The following SPAG16 variants were observed in gnomAD, a reference collection of about 807,000 sequenced individuals.
SPAG16 encodes sperm-associated antigen 16 protein.
Under a neutral mutation model 80.4 loss-of-function variants are expected in SPAG16, and 86 were observed. The observed-to-expected ratio is 1.07, with a 90% CI of 0.90 to 1.28. The LOEUF is 1.28. Among genes scored for constraint, SPAG16 ranks in the 50% most tolerant of loss-of-function variants. The pLI is 0.00. For synonymous variants in SPAG16, 294 were observed against 265.9 expected, an observed-to-expected ratio of 1.11 and a Z score of -1.03; for missense variants, 870 against 765.3, an observed-to-expected ratio of 1.14 and a Z score of -1.61.
intron 10 of SPAG16, among the ~76,000 whole-genome samples, chr2:213,574,146 G>GA (rs1236702933): frequency 6.6e-6 from 1 of 152,054 alleles, no homozygotes; most frequent in Non-Finnish European, 1.5e-5. Flanking sequence ...TCTACTTGTA[G>GA]GTTATATGCT....
chr2:213,376,015 C>A (rs2066867026), intron 9 of SPAG16, among the ~76,000 whole-genome samples: 1 of 148,810 alleles, frequency 6.7e-6, no homozygotes. Flanking sequence ...TATACAATAC[C>A]AGAATCCAAT....
At chr2:213,871,008 A>T (rs528950656) in intron 11 of SPAG16, among the ~76,000 whole-genome samples, 1 of 152,228 alleles carries the variant, frequency 6.6e-6, no homozygotes, top group Admixed American at 6.6e-5. Context: ...ACTTTCTTTC[A>T]TGCTCCCAGA....
intron 15 of SPAG16, among the ~76,000 whole-genome samples, chr2:214,204,174 C>T (rs576631330): frequency 9.8e-5 from 15 of 152,308 alleles, no homozygotes; most frequent in Admixed American, 7.8e-4. Flanking sequence ...TGCAGAAAGC[C>T]CTGCCCAAGG....
At chr2:213,494,652 C>A (rs1478725999) in intron 10 of SPAG16, among the ~76,000 whole-genome samples, 2 of 152,182 alleles carry the variant, frequency 1.3e-5, no homozygotes, top group Admixed American at 1.3e-4. Flanking sequence ...AATAGCCAAA[C>A]ATATTTTGAA....
chr2:214,189,433 G>A (rs1184931208), intron 15 of SPAG16, among the ~76,000 whole-genome samples: 1 of 151,998 alleles, frequency 6.6e-6, no homozygotes, highest in Non-Finnish European at 1.5e-5. Context: ...TGATTTTTCT[G>A]CTGCAAGTAA....
intron 10 of SPAG16, among the ~76,000 whole-genome samples, chr2:213,693,220 T>C (rs771743453): frequency 6.6e-6 from 1 of 152,204 alleles, no homozygotes; most frequent in Non-Finnish European, 1.5e-5. Flanking sequence ...GCTCAATGAA[T>C]TCAGTCGTAG....
At chr2:214,300,974 T>G (rs1694501848) in intron 15 of SPAG16, among the ~76,000 whole-genome samples, 1 of 150,514 alleles carries the variant, frequency 6.6e-6, no homozygotes, top group Admixed American at 6.6e-5. Context: ...TACAGGCCAG[T>G]GTGTCACTGA....
At chr2:214,064,844 A>C (rs1220768525) in intron 13 of SPAG16, among the ~76,000 whole-genome samples, 1 of 152,080 alleles carries the variant, frequency 6.6e-6, no homozygotes, top group Non-Finnish European at 1.5e-5. Flanking sequence ...TATAGATTGA[A>C]TTAAAAAGAA....
At chr2:214,021,067 T>C (rs2047838140) in intron 13 of SPAG16, among the ~76,000 whole-genome samples, 1 of 152,192 alleles carries the variant, frequency 6.6e-6, no homozygotes, top group African/African-American at 2.4e-5. Context: ...TGTTGGCAAA[T>C]GCCTATTATC....
In SPAG16 at chr2:213,974,986, A is replaced by T. The variant is rs1334045220; in HGVS notation, c.1401-38965A>T. On this transcript the variant is annotated intron_variant, in intron 12 of 15. Transcript: ENST00000331683. Reference sequence around the variant, plus strand: ...AAAAACACAAAATGTGTAAAAAGAGACATTAAGAAAACTACCATAGTAGTG... The same window carrying T: ...AAAAACACAAAATGTGTAAAAAGAGTCATTAAGAAAACTACCATAGTAGTG... 1.3e-4 allele frequency among the ~76,000 whole-genome samples: 19 copies of T among 150,990 alleles called. No individual in the cohort carries two copies. In the Admixed American group the frequency reaches 1.3e-3, roughly 10 times the overall value.
chr2:213,997,270 C>T (rs2046567849), intron 12 of SPAG16, among the ~76,000 whole-genome samples: 1 of 152,180 alleles, frequency 6.6e-6, no homozygotes, highest in Non-Finnish European at 1.5e-5. Context: ...ACCAGGGGCT[C>T]AGGAATAATA....
intron 13 of SPAG16, among the ~76,000 whole-genome samples, chr2:214,064,792 T>C (rs994989051): frequency 5.9e-5 from 9 of 152,120 alleles, no homozygotes; most frequent in Admixed American, 2.0e-4. Flanking sequence ...AAATACTCTG[T>C]GTGGTAATAC....
intron 10 of SPAG16, among the ~76,000 whole-genome samples, chr2:213,829,613 C>T (rs2073509194): frequency 6.6e-6 from 1 of 152,086 alleles, no homozygotes; most frequent in Admixed American, 6.5e-5. Flanking sequence ...CTGGATCACA[C>T]CTGAAGGCAG....
At chr2:214,148,533 A>C (rs538140726) in intron 14 of SPAG16, among the ~76,000 whole-genome samples, 1 of 152,242 alleles carries the variant, frequency 6.6e-6, no homozygotes, top group African/African-American at 2.4e-5. Context: ...AACAGACTAC[A>C]ATAGGCACCA....
chr2:213,964,512 T>A (rs1377537674), intron 12 of SPAG16, among the ~76,000 whole-genome samples: 1 of 152,154 alleles, frequency 6.6e-6, no homozygotes, highest in African/African-American at 2.4e-5. Context: ...TGGTTAAAAA[T>A]TCTTCTTTTT....
intron 10 of SPAG16, among the ~76,000 whole-genome samples, chr2:213,614,473 T>G (rs1040683801): frequency 6.6e-6 from 1 of 152,208 alleles, no homozygotes; most frequent in Non-Finnish European, 1.5e-5. Flanking sequence ...AAACCAACCC[T>G]TGATGCCTGG....
intron 9 of SPAG16, among the ~76,000 whole-genome samples, chr2:213,432,528 A>G (rs865937531): frequency 6.6e-6 from 1 of 152,150 alleles, no homozygotes; most frequent in Non-Finnish European, 1.5e-5. Context: ...CAAATTTCCA[A>G]GATTGAACTA....
intron 15 of SPAG16, among the ~76,000 whole-genome samples, chr2:214,202,021 AT>A (rs1235864383): frequency 4.6e-5 from 7 of 151,918 alleles, no homozygotes; most frequent in Non-Finnish European, 1.0e-4. Context: ...AATATTTGTA[AT>A]TTTGTGTAGA....
intron 10 of SPAG16, among the ~76,000 whole-genome samples, chr2:213,731,466 T>G (rs1293978787): frequency 2.3e-4 from 35 of 152,020 alleles, no homozygotes; most frequent in Admixed American, 1.2e-3. Flanking sequence ...AGCTGTTTTT[T>G]TTTTTTTTTT....
Sources: allele counts gnomAD v4.1 joint callset (sites outside exome capture counted in the v4.1 genomes callset), GRCh38; gene constraint gnomAD v4.1.1; transcripts MANE v1.5; gene names NCBI Gene and HGNC (gene_info 2026-07-23, HGNC 2026-07-21).